USH2A: variants seen among roughly 807,000 people sequenced by gnomAD.
USH2A encodes the protein Usher syndrome 2A (autosomal recessive, mild).
In USH2A, 443 loss-of-function variants were observed where a neutral mutation model predicts 538.9. The observed-to-expected ratio is 0.82, with a 90% confidence interval of 0.76 to 0.89. The LOEUF is 0.89. USH2A is among the 40% of genes least tolerant of loss of function. USH2A has a pLI of 0.00. For missense variants in USH2A, 6,633 were observed against 6,324.8 expected, an observed-to-expected ratio of 1.05 and a Z score of -1.65; for synonymous variants, 2,413 against 2,273.5, an observed-to-expected ratio of 1.06 and a Z score of -1.75.
At chr1:215,727,852 A>C (rs556589593) in intron 61 of USH2A, among the ~76,000 whole-genome samples, 178 bp downstream of exon 61, 4 of 152,034 alleles carry the variant, frequency 2.6e-5, no homozygotes, top group Non-Finnish European at 4.4e-5. Context: ...GGTCTCCAAT[A>C]CTCCTCATAC....
In USH2A at chr1:215,888,667, C is replaced by G; in HGVS notation, c.7982G>C (p.Arg2661Thr). 2 of 1,614,156 alleles carry G rather than the reference C, an allele frequency of 1.2e-6. No homozygotes were observed. The highest frequency in any genetic ancestry group is 1.7e-6 in the Non-Finnish European group (2 of 1,180,020). ...AACTTCTTCCTTTCCTTTGACTCTT[C>G]TCTCAATTGTGAAATTCTCCACCAA... ...NGLVENFTIE[R>T]RVKGKEEVTT... The change falls in exon 41 of 72, where the codon AGA (arginine) becomes ACA (threonine). Residue 2661 changes from arginine (R) to threonine (T), a missense_variant. Physicochemically the swap from Arg to Thr is moderately conservative, Grantham distance 71. Transcript: ENST00000307340.
chr1:215,817,065 A>G lies in USH2A; in HGVS notation c.9502T>C (p.Cys3168Arg), dbSNP rs1468840709. ...KLVQDQSDEL[C>R]KAVRCQKPES... The stretch of plus-strand genomic sequence containing the variant: ...GGTTTTTGACACCTCACTGCCTTGC[A>G]GAGCTCATCACTCTGATCCTGCACT... Residue 3168 changes from cysteine to arginine, a missense_variant, in exon 48 of 72, where the codon TGC (cysteine) becomes CGC (arginine). By Grantham distance (180) the Cys-to-Arg change is radical. Coordinates refer to ENST00000307340, the MANE Select transcript of USH2A (RefSeq NM_206933.4). The G allele has an allele frequency of 1.9e-6, 3 of 1,612,864 alleles. No individual in the cohort carries two copies. The highest frequency in any genetic ancestry group is 1.7e-6 in the Non-Finnish European group (2 of 1,179,100).
At chr1:216,160,856 T>G (rs1393047458) in intron 21 of USH2A, among the ~76,000 whole-genome samples, 1 of 152,130 alleles carries the variant, frequency 6.6e-6, no homozygotes, top group Non-Finnish European at 1.5e-5. Flanking sequence ...TATCTTCAAC[T>G]ATGAGGATAT....
chr1:216,166,748 G>A (rs1239568326), intron 21 of USH2A, among the ~76,000 whole-genome samples: 1 of 152,142 alleles, frequency 6.6e-6, no homozygotes, highest in East Asian at 1.9e-4. Flanking sequence ...GGAGGAACAG[G>A]TTTCAGGAGA....
rs1230144564 is a variant in USH2A, at chr1:215,675,065, C to G, written c.12846G>C (p.Leu4282=). 1 of 1,614,128 alleles carries G rather than the reference C, an allele frequency of 6.2e-7. No individual in the cohort carries two copies. The highest frequency in any genetic ancestry group is 8.5e-7 in the Non-Finnish European group (1 of 1,180,022). The change falls in exon 63 of 72, where the codon CTG becomes CTC. Residue 4282 remains leucine, a synonymous_variant. Coordinates refer to ENST00000307340, the MANE Select transcript of USH2A (RefSeq NM_206933.4). ...ACTGTTCTGGTGGGATCCAGGAAAT[C>G]AGCAGTTTTTGGGGATTCATAGAAA... ...SYVSMNPQKL[L]ISWIPPEQSN...
At chr1:215,668,035 C>T (rs1315631137) in intron 64 of USH2A, among the ~76,000 whole-genome samples, 3 of 152,182 alleles carry the variant, frequency 2.0e-5, no homozygotes, top group Non-Finnish European at 4.4e-5. Flanking sequence ...TTCCCCACTG[C>T]TAGGAAGTTT....
chr1:216,419,366 A>G (rs1443921807), intron 2 of USH2A, among the ~76,000 whole-genome samples: 3 of 152,248 alleles, frequency 2.0e-5, no homozygotes, highest in Middle Eastern at 6.8e-3. Context: ...AAAAACTAGA[A>G]GAGTTTTCAG....
intron 37 of USH2A, among the ~76,000 whole-genome samples, chr1:215,938,936 A>T (rs1467828234): frequency 6.6e-6 from 1 of 152,196 alleles, no homozygotes; most frequent in East Asian, 1.9e-4. Context: ...ATCAGAGCAT[A>T]GGGTGCTGGG....
chr1:216,247,100 T>C lies in USH2A; in HGVS notation c.2294A>G (p.Gln765Arg), dbSNP rs772069565. The change falls in exon 13 of 72, where the codon CAG becomes CGG. Residue 765 changes from glutamine (Q) to arginine (R), a missense_variant. Coordinates refer to ENST00000307340, the MANE Select transcript of USH2A (RefSeq NM_206933.4). ...TTTGGCTTCTTTTTTGCACTCACAC[T>C]GCCCAGAGTGAGGATTGCAGAATTT... is the stretch of plus-strand genomic sequence containing the variant. ...VNKFCNPHSG[Q>R]CECKKEAKGL... is the part of the protein sequence containing the mutation. 14 of 1,614,102 alleles carry C rather than the reference T, an allele frequency of 8.7e-6. No homozygotes were observed. The highest frequency in any genetic ancestry group is 1.2e-5 in the Non-Finnish European group (14 of 1,179,958).
intron 4 of USH2A, among the ~76,000 whole-genome samples, chr1:216,334,976 C>T (rs372393751): frequency 6.6e-6 from 1 of 151,752 alleles, no homozygotes; most frequent in South Asian, 2.1e-4. Flanking sequence ...ACAGAACACT[C>T]CACCCAACAA....
Position 215,638,876 on chromosome 1 carries a change from G to C in USH2A, c.15052+279C>G, listed in dbSNP as rs183415447. Among the ~76,000 whole-genome samples, 235 of 151,554 alleles carry C rather than the reference G, an allele frequency of 1.6e-3. 1 individual carries two copies. Among genetic ancestry groups the C allele is most frequent in the Middle Eastern group, 6.8e-3 (2 of 292 alleles). ...GCCTGTAATCCCAGCTACTCGGGAG[G>C]CTGAGGCAGGAGAATCGCTTGAACC... is the stretch of plus-strand genomic sequence containing the variant. On this transcript the variant is annotated intron_variant, in intron 69 of 71. Coordinates refer to ENST00000307340, the MANE Select transcript of USH2A (RefSeq NM_206933.4).
chr1:215,982,487 C>T (rs1571864867), intron 35 of USH2A, among the ~76,000 whole-genome samples: 4 of 152,164 alleles, frequency 2.6e-5, no homozygotes, highest in African/African-American at 7.2e-5. Context: ...TGTATTCCTC[C>T]GTGGCACACT....
intron 58 of USH2A, among the ~76,000 whole-genome samples, chr1:215,744,668 C>T (rs2102729274): frequency 6.6e-6 from 1 of 152,260 alleles, no homozygotes; most frequent in East Asian, 1.9e-4. Context: ...GATGTGGCCT[C>T]TGTATTTACA....
chr1:215,758,450 T>C lies in USH2A; in HGVS notation c.11389+145A>G, dbSNP rs187394445. On this transcript the variant is annotated intron_variant, in intron 58 of 71. Transcript: ENST00000307340. ...ACTCATGCGTCTATACACTTAGAAG[T>C]GTGGTTTAGATTTTTCTGTTCATAT... The C allele has an allele frequency of 1.2e-3, 1,124 of 932,054 alleles. 20 individuals carry two copies. In the African/African-American group the frequency reaches 0.016, roughly 13 times the overall value. 57.7% of individuals were successfully genotyped at this position (932,054 alleles called of 1,614,324 possible). A position where few individuals can be genotyped will look rare whatever the true frequency, so the allele number is the denominator to read the frequency against.
chr1:216,285,959 C>T (rs1213116198), intron 11 of USH2A, among the ~76,000 whole-genome samples: 1 of 152,148 alleles, frequency 6.6e-6, no homozygotes, highest in Non-Finnish European at 1.5e-5. Flanking sequence ...TAGGAAGTAA[C>T]TAACTTGCTT....
Position 215,660,050 on chromosome 1 carries a change from A to AT in USH2A, c.14134-9250dup, listed in dbSNP as rs557603858. Among the ~76,000 whole-genome samples the AT allele has an allele frequency of 2.6e-5, 4 of 152,330 alleles. No homozygotes were observed. In the East Asian group the frequency reaches 7.7e-4, roughly 29 times the overall value. On this transcript the variant is annotated intron_variant, in intron 64 of 71. Transcript: ENST00000307340. ...GAATACATTTATAAATATTTCATTG[A>AT]TTTTTGAAAGTCCCAAAGCTGCATA...
At chr1:215,860,016 T>C (rs1396530893) in intron 44 of USH2A, among the ~76,000 whole-genome samples, 1 of 152,138 alleles carries the variant, frequency 6.6e-6, no homozygotes, top group African/African-American at 2.4e-5. Flanking sequence ...AGAAATGAAT[T>C]AGTTCCCTCA....
rs1170629515 is a variant in USH2A at position 215,624,824 on chromosome 1, A to G, written c.*957T>C. ...TATAGTCTTGTCTCTACATGTATAT[A>G]TGTTAATGCTAGAAGGAACAGATAC... is the stretch of plus-strand genomic sequence containing the variant. On this transcript the variant is annotated 3_prime_UTR_variant, in exon 72 of 72. Coordinates refer to ENST00000307340, the MANE Select transcript of USH2A (RefSeq NM_206933.4). 2.6e-5 allele frequency: 4 copies of G among 152,174 alleles called. No homozygotes were observed. Among genetic ancestry groups the G allele is most frequent in the African/African-American group, 9.7e-5 (4 of 41,448 alleles). 9.4% of individuals were successfully genotyped at this position (152,174 alleles called of 1,614,324 possible). A position where few individuals can be genotyped will look rare whatever the true frequency, so the allele number is the denominator to read the frequency against.
In USH2A at chr1:216,418,629, A is replaced by G. The variant is rs764260553; in HGVS notation, c.536T>C (p.Ile179Thr). The G allele has an allele frequency of 6.2e-7, 1 of 1,613,296 alleles. No individual in the cohort carries two copies. Among genetic ancestry groups the G allele is most frequent in the South Asian group, 1.1e-5 (1 of 91,064 alleles). ...VDGQIVFKLT[I>T]SEKETMFYYR... ...ATAAAACATGGTCTCTTTCTCAGATATTGTAAGTTTGAACACAATCTGCCC... is the reference window on the plus strand; with the variant it reads ...ATAAAACATGGTCTCTTTCTCAGATGTTGTAAGTTTGAACACAATCTGCCC... The change falls in exon 3 of 72, where the codon ATA (isoleucine) becomes ACA (threonine). Residue 179 changes from isoleucine (I) to threonine (T), a missense_variant. Transcript: ENST00000307340.
Sources: gnomAD v4.1 joint callset for allele counts (sites outside exome capture counted in the v4.1 genomes callset) on GRCh38, gnomAD v4.1.1 for gene constraint, MANE v1.5 for transcripts, NCBI Gene and HGNC (gene_info 2026-07-23, HGNC 2026-07-21) for gene names.